Variants in GPC5 observed in about 807,000 individuals in gnomAD.
The protein encoded by GPC5 is glypican 5.
Under a neutral mutation model 53.9 loss-of-function variants are expected in GPC5, and 47 were observed. The observed-to-expected ratio is 0.87, with a 90% CI of 0.69 to 1.11. The LOEUF (loss-of-function observed/expected upper bound fraction) is 1.11, where lower values mean the gene tolerates loss of function less well. Ranked by LOEUF, GPC5 falls within the 50% of genes most tolerant of loss-of-function variation. The probability of loss-of-function intolerance (pLI) is 0.00; values close to 1 mark genes in which losing one functional copy is unlikely to be tolerated. For missense variants in GPC5, 748 were observed against 713.1 expected (o/e 1.05, Z -0.56); for synonymous variants, 286 against 263.3 (o/e 1.09, Z -0.84).
chr13:92,403,510 G>A (rs773403803), intron 7 of GPC5, among the ~76,000 whole-genome samples: 2 of 152,208 alleles, frequency 1.3e-5, no homozygotes, highest in Non-Finnish European at 2.9e-5. Flanking sequence ...AGCTGCGCAT[G>A]TGAGGGATCT....
At chr13:92,544,181 C>T (rs552485054) in intron 7 of GPC5, among the ~76,000 whole-genome samples, 1 of 152,006 alleles carries the variant, frequency 6.6e-6, no homozygotes, top group Non-Finnish European at 1.5e-5. Flanking sequence ...CACTTGTAGA[C>T]TTGCTTAGTA....
chr13:92,185,481 T>G (rs570130819), intron 7 of GPC5, among the ~76,000 whole-genome samples: 1 of 152,154 alleles, frequency 6.6e-6, no homozygotes, highest in East Asian at 1.9e-4. Context: ...TATTTTACTC[T>G]CATTAAAGTC....
intron 7 of GPC5, among the ~76,000 whole-genome samples, chr13:92,803,016 G>A (rs1324583316): frequency 6.6e-6 from 1 of 151,854 alleles, no homozygotes; most frequent in Non-Finnish European, 1.5e-5. Flanking sequence ...TTCTTGGAAT[G>A]TAGGCTGGAA....
In GPC5 at chr13:91,460,248, C is replaced by G. The variant is rs576784831; in HGVS notation, c.325+11326C>G. Among the ~76,000 whole-genome samples, 11 of 151,874 alleles carry G rather than the reference C, an allele frequency of 7.2e-5. No individual in the cohort carries two copies. The South Asian group carries it at 2.3e-3, about 32-fold the overall frequency. ...TCTTATATGAATCAAATTCTTTTAA[C>G]CAAACAATATTAATAGTTATCAATC... On this transcript the variant is annotated intron_variant, in intron 2 of 7. Coordinates refer to ENST00000377067, the MANE Select transcript of GPC5 (RefSeq NM_004466.6).
intron 7 of GPC5, among the ~76,000 whole-genome samples, chr13:92,302,986 T>C (rs2043085646): frequency 6.6e-6 from 1 of 152,238 alleles, no homozygotes; most frequent in African/African-American, 2.4e-5. Flanking sequence ...ATTTCTATTA[T>C]CCAAAATTAC....
chr13:91,987,919 A>G (rs2138728862), intron 6 of GPC5, among the ~76,000 whole-genome samples: 1 of 145,966 alleles, frequency 6.9e-6, no homozygotes, highest in South Asian at 2.1e-4. Flanking sequence ...ACGATGTAGT[A>G]TATATAAACA....
At chr13:92,234,306 C>T (rs543226185) in intron 7 of GPC5, among the ~76,000 whole-genome samples, 1 of 152,284 alleles carries the variant, frequency 6.6e-6, no homozygotes, top group African/African-American at 2.4e-5. Flanking sequence ...TTCTCCACAT[C>T]CTCTCCAGCA....
chr13:92,477,279 C>T (rs1370147377), intron 7 of GPC5, among the ~76,000 whole-genome samples: 4 of 151,724 alleles, frequency 2.6e-5, no homozygotes, highest in Middle Eastern at 6.8e-3. Context: ...TTAAAGTAAT[C>T]CCACATAACC....
chr13:91,525,121 G>T (rs551525483), intron 2 of GPC5, among the ~76,000 whole-genome samples: 20 of 152,214 alleles, frequency 1.3e-4, no homozygotes, highest in African/African-American at 3.6e-4. Flanking sequence ...AATGTGTGCA[G>T]CTTGTTCCTC....
At chr13:92,128,323 T>C (rs569224531) in intron 6 of GPC5, among the ~76,000 whole-genome samples, 31 of 152,306 alleles carry the variant, frequency 2.0e-4, no homozygotes, top group African/African-American at 7.0e-4. Flanking sequence ...GTGACACCTA[T>C]GTTATTACAC....
At chr13:92,747,623 A>ACACAAGCTTG (rs1889271251) in intron 7 of GPC5, among the ~76,000 whole-genome samples, 1 of 152,180 alleles carries the variant, frequency 6.6e-6, no homozygotes, top group African/African-American at 2.4e-5. Context: ...ATTAGCTTGC[A>ACACAAGCTTG]CACAAGTCTC....
intron 7 of GPC5, among the ~76,000 whole-genome samples, chr13:92,471,977 T>C (rs1333680197): frequency 6.6e-6 from 1 of 152,158 alleles, no homozygotes; most frequent in Non-Finnish European, 1.5e-5. Context: ...ATCATTGTGT[T>C]CCTTTGGACT....
intron 7 of GPC5, among the ~76,000 whole-genome samples, chr13:92,613,037 G>C (rs1884491263): frequency 6.6e-6 from 1 of 151,058 alleles, no homozygotes; most frequent in African/African-American, 2.4e-5. Context: ...AAGTGCAAAT[G>C]GGTTATTGCC....
intron 2 of GPC5, among the ~76,000 whole-genome samples, chr13:91,548,296 C>G (rs1218301881): frequency 1.3e-5 from 2 of 152,122 alleles, no homozygotes; most frequent in Non-Finnish European, 2.9e-5. Flanking sequence ...ACATACAAAA[C>G]TTAATTGCTT....
chr13:92,077,850 T>C (rs1212428504), intron 6 of GPC5, among the ~76,000 whole-genome samples: 1 of 152,130 alleles, frequency 6.6e-6, no homozygotes, highest in African/African-American at 2.4e-5. Context: ...AAATCTAACA[T>C]CATAGCCTAA....
At chr13:92,747,668 C>G (rs1889272395) in intron 7 of GPC5, among the ~76,000 whole-genome samples, 1 of 152,134 alleles carries the variant, frequency 6.6e-6, no homozygotes, top group Non-Finnish European at 1.5e-5. Flanking sequence ...CAGATGCAAC[C>G]TAAGAATTGA....
chr13:92,301,172 C>A (rs1319773718), intron 7 of GPC5, among the ~76,000 whole-genome samples: 3 of 152,146 alleles, frequency 2.0e-5, no homozygotes, highest in Admixed American at 6.5e-5. Context: ...AATATAGGTT[C>A]TTTTATAGAT....
chr13:91,748,160 A>G (rs1452005735), intron 4 of GPC5, among the ~76,000 whole-genome samples: 3 of 152,246 alleles, frequency 2.0e-5, no homozygotes, highest in African/African-American at 4.8e-5. Flanking sequence ...CTCTGTCTTC[A>G]TAACGCAGCA....
At chr13:91,845,316 G>A (rs1451502004) in intron 5 of GPC5, among the ~76,000 whole-genome samples, 1 of 151,182 alleles carries the variant, frequency 6.6e-6, no homozygotes, top group Non-Finnish European at 1.5e-5. Flanking sequence ...TTTTTTAATC[G>A]TTTAGTCTTT....
Sources: gnomAD v4.1 joint callset for allele counts (sites outside exome capture counted in the v4.1 genomes callset) on GRCh38, gnomAD v4.1.1 for gene constraint, MANE v1.5 for transcripts, NCBI Gene and HGNC (gene_info 2026-07-23, HGNC 2026-07-21) for gene names.